AGRN: variants seen among roughly 807,000 people sequenced by gnomAD.
AGRN encodes agrin.
Under a neutral mutation model 211.0 loss-of-function variants are expected in AGRN, and 106 were observed. The observed-to-expected ratio is 0.50, with a 90% CI of 0.43 to 0.59. The LOEUF (loss-of-function observed/expected upper bound fraction) is 0.59, where lower values mean the gene tolerates loss of function less well. AGRN is among the 20% of genes least tolerant of loss of function. The pLI is 0.00. For synonymous variants in AGRN, 1,525 were observed against 1,332.5 expected (o/e 1.14, Z -3.15); for missense variants, 3,040 against 2,982.6 (o/e 1.02, Z -0.45).
At chr1:1,052,991 GTC>G (rs1451358452) in intron 33 of AGRN, 1 of 179,520 alleles carries the variant, frequency 5.6e-6, no homozygotes, top group Non-Finnish European at 1.2e-5. Flanking sequence ...ACTCAGGTGT[GTC>G]TGTGTGTGTT....
chr1:1,049,715 C>G lies in AGRN; in HGVS notation c.4664C>G (p.Pro1555Arg). Residue 1555 changes from proline to arginine, a missense_variant, in exon 26 of 36, where the codon CCC (proline) becomes CGC (arginine). Transcript: ENST00000379370. ...GAGTGCGGGGACCACCCCTGCCTGCCCAACCCCTGCCATGGCGGGGCCCCA... is the reference window on the plus strand; with the variant it reads ...GAGTGCGGGGACCACCCCTGCCTGCGCAACCCCTGCCATGGCGGGGCCCCA... ...VGECGDHPCL[P>R]NPCHGGAPCQ... 1 of 1,581,726 alleles carries G rather than the reference C, an allele frequency of 6.3e-7. No homozygotes were observed. The highest frequency in any genetic ancestry group is 1.9e-5 in the Admixed American group (1 of 53,960).
At chr1:1,030,631 TGA>T (rs369815264) in intron 2 of AGRN, among the ~76,000 whole-genome samples, 186 of 6,664 alleles carry the variant, frequency 0.028, 45 homozygotes, top group East Asian at 0.17. Flanking sequence ...TGCATGGTGC[TGA>T]GTGTGAGATC....
chr1:1,030,179 A>G (rs1343363290), intron 2 of AGRN, among the ~76,000 whole-genome samples: 1 of 67,454 alleles, frequency 1.5e-5, no homozygotes, highest in African/African-American at 5.9e-5. Context: ...TGGTGCTGTG[A>G]GATCAGCATG....
intron 1 of AGRN, 72 bp from the exon 2 acceptor site, chr1:1,022,129 A>G: frequency 6.3e-7 from 1 of 1,590,632 alleles, no homozygotes; most frequent in South Asian, 1.1e-5. Context: ...TTTGCCCTAA[A>G]CACCTAAAGC....
chr1:1,021,368 G>A (rs1199831767), intron 1 of AGRN, among the ~76,000 whole-genome samples: 1 of 152,240 alleles, frequency 6.6e-6, no homozygotes, highest in East Asian at 1.9e-4. Context: ...TACTGTTGGG[G>A]GGCGTGGAAG....
chr1:1,035,096 C>T (rs1644769547), intron 2 of AGRN, 181 bp from the exon 3 acceptor site: 1 of 715,722 alleles, frequency 1.4e-6, no homozygotes, highest in Admixed American at 2.3e-5. Context: ...GCAGGGGCCT[C>T]TGTCTCAGAC....
Position 1,049,406 on chromosome 1 carries a change from A to G in AGRN, c.4469A>G (p.Asp1490Gly). ...SPSGTDGLNLDTDLFVGGVPE... is the reference protein window; with the variant it reads ...SPSGTDGLNLGTDLFVGGVPE... ...AGTGGCACCGACGGCCTCAACCTGG[A>G]CACAGACCTCTTTGTGGGCGGCGTA... The change falls in exon 25 of 36, where the codon GAC becomes GGC. Residue 1490 changes from aspartate (D) to glycine (G), a missense_variant. Asp to Gly is a moderately conservative substitution (Grantham distance 94). Coordinates refer to ENST00000379370, the MANE Select transcript of AGRN (RefSeq NM_198576.4). 3 of 1,599,006 alleles carry G rather than the reference A, an allele frequency of 1.9e-6. No homozygotes were observed. Among genetic ancestry groups the G allele is most frequent in the Non-Finnish European group, 2.5e-6 (3 of 1,179,698 alleles).
intron 2 of AGRN, chr1:1,034,692 T>A: frequency 1.0e-6 from 1 of 993,182 alleles, no homozygotes; most frequent in East Asian, 1.1e-4. Flanking sequence ...GTGCTGCTGT[T>A]CCTCAACAAC....
Position 1,048,536 on chromosome 1 carries a change from C to G in AGRN, c.4105+171C>G, listed in dbSNP as rs915241921. The G allele has an allele frequency of 1.6e-6, 1 of 632,222 alleles. No individual in the cohort carries two copies. The highest frequency in any genetic ancestry group is 3.2e-5 in the Admixed American group (1 of 31,042). The allele number at this position is 632,222 out of a possible 1,614,324, so 39.2% of individuals were successfully genotyped here. On this transcript the variant is annotated intron_variant, in intron 23 of 35. Transcript: ENST00000379370. The surrounding 1 kb of genome is among the most constrained non-coding windows in gnomAD (Gnocchi z 5.9). ...CTGTAATCCCAGCACTTTGGGAGGC[C>G]GAGGCAGGCGGATCACCTGAGGTCG...
At position 1,046,561 on chromosome 1, in the gene AGRN, A is replaced by T; in HGVS notation, c.3076A>T (p.Thr1026Ser). 6.2e-7 allele frequency: 1 copy of T among 1,608,842 alleles called. No homozygotes were observed. Among genetic ancestry groups the T allele is most frequent in the Non-Finnish European group, 8.5e-7 (1 of 1,179,188 alleles). ...CCCTCCGCCCTCATCACGACCTCGG[A>T]CCACTGCCAGCGTCCCCAGGACCAC... ...TTPPPSSRPR[T>S]TASVPRTTVW... The change falls in exon 18 of 36, where the codon ACC becomes TCC. Residue 1026 changes from threonine to serine, a missense_variant. Around this residue, in one of 3 missense-constraint regions of AGRN, gnomAD observed 1,537 missense variants for 1,505.0 expected, o/e 1.02. Transcript: ENST00000379370.
At chr1:1,053,545 C>A in intron 33 of AGRN, 1 of 1,528,686 alleles carries the variant, frequency 6.5e-7, no homozygotes, top group South Asian at 1.2e-5. Flanking sequence ...CATCTGTCCT[C>A]CCGCCCGTCT....
In AGRN at chr1:1,050,343, G is replaced by A. The variant is rs897000634; in HGVS notation, c.4976+14G>A. 1.2e-6 allele frequency: 2 copies of A among 1,612,700 alleles called. No homozygotes were observed. On this transcript the variant is annotated intron_variant, in intron 28 of 35. Transcript: ENST00000379370. ...ACGGGACCTGGGGTCGGTGGGGCAG[G>A]AGCAGGGGGAAGGGCCGGCCCCCAC...
At chr1:1,047,033 G>A in intron 19 of AGRN, 76 bp downstream of exon 19, 1 of 1,541,996 alleles carries the variant, frequency 6.5e-7, no homozygotes, top group Non-Finnish European at 8.8e-7. Flanking sequence ...CGCCTGGGCA[G>A]CAGGTCAGTG....
rs1296646426 is a variant in AGRN at position 1,044,263 on chromosome 1, C to T, written c.2148+6C>T. On this transcript the variant is annotated splice_donor_region_variant and intron_variant, in intron 11 of 35. Transcript: ENST00000379370. The stretch of plus-strand genomic sequence containing the variant: ...AGAGTGTCCCAGGCAGCCCGGTGAG[C>T]TCTGTACCCCTGGCTCTCGGCGGGC... 8 of 1,612,696 alleles carry T rather than the reference C, an allele frequency of 5.0e-6. No individual in the cohort carries two copies. Among genetic ancestry groups the T allele is most frequent in the Non-Finnish European group, 6.8e-6 (8 of 1,179,880 alleles).
At position 1,043,436 on chromosome 1, in the gene AGRN, G is replaced by C. The variant is rs764702249; in HGVS notation, c.1582G>C (p.Val528Leu). ...TACTLGREIQ[V>L]ARKGPCDRCG... Reference sequence around the variant, plus strand: ...CTGTACCCTCGGGCGGGAGATCCAGGTGGCGCGCAAAGGACCCTGTGGTCA... The same window carrying C: ...CTGTACCCTCGGGCGGGAGATCCAGCTGGCGCGCAAAGGACCCTGTGGTCA... Residue 528 changes from valine (V) to leucine (L), a missense_variant, in exon 8 of 36, where the codon GTG (valine) becomes CTG (leucine). Val to Leu is a conservative substitution (Grantham distance 32). Coordinates refer to ENST00000379370, the MANE Select transcript of AGRN (RefSeq NM_198576.4). 4 of 1,606,972 alleles carry C rather than the reference G, an allele frequency of 2.5e-6. No individual in the cohort carries two copies. Among genetic ancestry groups the C allele is most frequent in the Non-Finnish European group, 3.4e-6 (4 of 1,178,738 alleles).
At chr1:1,025,612 C>T (rs1353260970) in intron 2 of AGRN, among the ~76,000 whole-genome samples, 3 of 152,128 alleles carry the variant, frequency 2.0e-5, no homozygotes, top group African/African-American at 7.2e-5. Flanking sequence ...TCTCATCCTG[C>T]CCCCTGGTTC....
At chr1:1,028,209 A>G (rs949177604) in intron 2 of AGRN, among the ~76,000 whole-genome samples, 3 of 151,376 alleles carry the variant, frequency 2.0e-5, no homozygotes, top group Non-Finnish European at 2.9e-5. Flanking sequence ...GGCGGAAGAG[A>G]GGGCTGGGGC....
In AGRN at chr1:1,045,483, C is replaced by T; in HGVS notation, c.2496C>T (p.Asn832=). 5 of 1,613,000 alleles carry T rather than the reference C, an allele frequency of 3.1e-6. 1 individual carries two copies. The South Asian group carries it at 4.4e-5, about 14-fold the overall frequency. The part of the protein sequence containing the change: ...RCDRCEPGFW[N]FRGIVTDGRS... ...ACCGCTGTGAGCCTGGCTTCTGGAA[C>T]TTTCGAGGCATCGTCACCGATGGCC... Residue 832 remains asparagine, a synonymous_variant, in exon 14 of 36, where the codon AAC becomes AAT. Transcript: ENST00000379370.
At position 1,043,732 on chromosome 1, in the gene AGRN, G is replaced by A. The variant is rs1310138293; in HGVS notation, c.1798G>A (p.Glu600Lys). The A allele has an allele frequency of 5.6e-6, 9 of 1,601,280 alleles. No individual in the cohort carries two copies. The highest frequency in any genetic ancestry group is 6.8e-6 in the Non-Finnish European group (8 of 1,179,780). The change falls in exon 9 of 36, where the codon GAG becomes AAG. Residue 600 changes from glutamate (E) to lysine (K), a missense_variant and splice_region_variant. Physicochemically the swap from Glu to Lys is moderately conservative, Grantham distance 56 (BLOSUM62 1). Around this residue, in one of 3 missense-constraint regions of AGRN, gnomAD observed 1,498 missense variants for 1,457.8 expected, o/e 1.03. Transcript: ENST00000379370. ...GCACGTGGCCTCAGCTGGACCCTGT[G>A]GTGAGTGAGGCCCTGGGGCCGGGCG... ...SLHVASAGPC[E>K]TCGDAVCAFG...
Sources: allele counts gnomAD v4.1 joint callset (sites outside exome capture counted in the v4.1 genomes callset), GRCh38; gene constraint gnomAD v4.1.1; regional missense constraint gnomAD v4.1.1; non-coding constraint Gnocchi (gnomAD v3.1); transcripts MANE v1.5; gene names NCBI Gene and HGNC (gene_info 2026-07-23, HGNC 2026-07-21).